Variants in CBLB observed in about 807,000 individuals in gnomAD.
CBLB encodes the protein E3 ubiquitin-protein ligase CBL-B.
CBLB carries 31 observed loss-of-function variants against 104.9 expected under a neutral mutation model. That is an observed-to-expected ratio of 0.30 (90% confidence interval 0.22 to 0.40). CBLB has a LOEUF of 0.40. Ranked by LOEUF, CBLB falls within the 10% of genes least tolerant of loss-of-function variation. The probability of loss-of-function intolerance (pLI) is 1.00; values close to 1 mark genes in which losing one functional copy is unlikely to be tolerated. For synonymous variants in CBLB, 440 were observed against 422.6 expected (o/e 1.04, Z -0.51); for missense variants, 1,062 against 1,214.6 (o/e 0.87, Z 1.87).
At chr3:105,661,597 G>T (rs371420821) in intron 18 of CBLB, among the ~76,000 whole-genome samples, 1 of 152,076 alleles carries the variant, frequency 6.6e-6, no homozygotes, top group Non-Finnish European at 1.5e-5. Context: ...TATTTTGTCT[G>T]TCCAGGATAC....
intron 10 of CBLB, among the ~76,000 whole-genome samples, chr3:105,718,909 C>T (rs2072342267): frequency 6.6e-6 from 1 of 152,158 alleles, no homozygotes; most frequent in South Asian, 2.1e-4. Context: ...AAGAGTCTAC[C>T]TCTCTTGACC....
chr3:105,843,930 G>A (rs978227483), intron 3 of CBLB, among the ~76,000 whole-genome samples: 1 of 152,132 alleles, frequency 6.6e-6, no homozygotes, highest in South Asian at 2.1e-4. Context: ...CCCCTAAAAA[G>A]ATATGTTTAA....
chr3:105,776,588 G>A (rs9809911), intron 3 of CBLB, 46 bp from the exon 4 acceptor site: 1 of 1,578,626 alleles, frequency 6.3e-7, no homozygotes, highest in Admixed American at 1.7e-5. Flanking sequence ...TAAACACCTA[G>A]ATGCATGCAA....
At chr3:105,810,214 T>C (rs1264331805) in intron 3 of CBLB, among the ~76,000 whole-genome samples, 3 of 152,168 alleles carry the variant, frequency 2.0e-5, no homozygotes, top group Non-Finnish European at 4.4e-5. Context: ...AGATTTTCTA[T>C]TGGGAAATGT....
At chr3:105,764,621 A>T (rs866560047) in intron 4 of CBLB, among the ~76,000 whole-genome samples, 5 of 152,284 alleles carry the variant, frequency 3.3e-5, no homozygotes, top group Middle Eastern at 3.4e-3. Context: ...AGTAACCCTA[A>T]AATGACCTCA....
At chr3:105,806,773 C>T (rs569532304) in intron 3 of CBLB, among the ~76,000 whole-genome samples, 120 of 151,838 alleles carry the variant, frequency 7.9e-4, no homozygotes, top group Non-Finnish European at 1.5e-3. Context: ...CAAAAATATC[C>T]GAAAACTGTT....
intron 17 of CBLB, among the ~76,000 whole-genome samples, chr3:105,677,350 TA>T (rs59169680): frequency 0.21 from 22,757 of 108,718 alleles, 1,840 homozygotes; most frequent in East Asian, 0.43. Flanking sequence ...TCAAACCAAG[TA>T]AAAAAAAAAA....
chr3:105,808,523 T>C (rs868025940), intron 3 of CBLB, among the ~76,000 whole-genome samples: 1 of 152,194 alleles, frequency 6.6e-6, no homozygotes, highest in African/African-American at 2.4e-5. Flanking sequence ...CATTACACTA[T>C]ATTTATCCAA....
At chr3:105,777,094 A>ATCAT (rs887652927) in intron 3 of CBLB, among the ~76,000 whole-genome samples, 1 of 152,250 alleles carries the variant, frequency 6.6e-6, no homozygotes, top group Non-Finnish European at 1.5e-5. Flanking sequence ...TTGGTATTAT[A>ATCAT]TCATTTTTGG....
At position 105,659,161 on chromosome 3, in the gene CBLB, T is replaced by C; in HGVS notation, c.2758A>G (p.Arg920Gly). The C allele has an allele frequency of 6.2e-7, 1 of 1,614,078 alleles. No homozygotes were observed. The highest frequency in any genetic ancestry group is 8.5e-7 in the Non-Finnish European group (1 of 1,179,952). Residue 920 changes from arginine to glycine, a missense_variant, in exon 19 of 19, where the codon AGA (arginine) becomes GGA (glycine). Coordinates refer to ENST00000394030, the MANE Select transcript of CBLB (RefSeq NM_170662.5). ...PRRTAPEIHH[R>G]KPHGPEAALE... Reference sequence around the variant, plus strand: ...GCCGCCTCAGGCCCATGGGGTTTTCTGTGGTGAATTTCTGGTGCAGTCCTG... The same window carrying C: ...GCCGCCTCAGGCCCATGGGGTTTTCCGTGGTGAATTTCTGGTGCAGTCCTG...
chr3:105,716,239 T>G (rs1036611667), intron 10 of CBLB, among the ~76,000 whole-genome samples: 1 of 152,178 alleles, frequency 6.6e-6, no homozygotes, highest in Non-Finnish European at 1.5e-5. Flanking sequence ...ATCTATCAGT[T>G]TGATGCTCTG....
At chr3:105,852,398 T>C (rs557933644) in intron 3 of CBLB, among the ~76,000 whole-genome samples, 3 of 152,114 alleles carry the variant, frequency 2.0e-5, no homozygotes, top group African/African-American at 7.2e-5. Context: ...GTTTATAAAA[T>C]TTTTTTTAAA....
At chr3:105,808,895 A>T (rs1364926154) in intron 3 of CBLB, among the ~76,000 whole-genome samples, 1 of 152,220 alleles carries the variant, frequency 6.6e-6, no homozygotes, top group Admixed American at 6.5e-5. Context: ...AAATAAATTA[A>T]GAAAAATTCC....
At chr3:105,708,411 A>T (rs540449299) in intron 10 of CBLB, among the ~76,000 whole-genome samples, 26 of 152,244 alleles carry the variant, frequency 1.7e-4, no homozygotes, top group Non-Finnish European at 3.4e-4. Context: ...TTGGGTAGAA[A>T]AGTAGCAAAG....
intron 3 of CBLB, among the ~76,000 whole-genome samples, chr3:105,849,721 T>A (rs879736920): frequency 1.3e-5 from 2 of 152,014 alleles, no homozygotes; most frequent in Admixed American, 1.3e-4. Flanking sequence ...CCACTCAAAT[T>A]CCTAGTCAAA....
chr3:105,702,430 A>G lies in CBLB; in HGVS notation c.1623T>C (p.Asp541=), dbSNP rs769173177. ...KSSPCMVRKQ[D]KPLPAPPPPL... ...GAGGAGGTGGTGCTGGGAGTGGTTT[A>G]TCTTGTTTTCTCACCATGCAAGGAG... is the stretch of plus-strand genomic sequence containing the variant. Residue 541 remains aspartate, a synonymous_variant, in exon 12 of 19, where the codon GAT becomes GAC. Coordinates refer to ENST00000394030, the MANE Select transcript of CBLB (RefSeq NM_170662.5). 97 of 1,226,902 alleles carry G rather than the reference A, an allele frequency of 7.9e-5. No individual in the cohort carries two copies. Among genetic ancestry groups the G allele is most frequent in the Admixed American group, 7.4e-4 (35 of 47,170 alleles). 76.0% of individuals were successfully genotyped at this position (1,226,902 alleles called of 1,614,324 possible). A position where few individuals can be genotyped will look rare whatever the true frequency, so the allele number is the denominator to read the frequency against.
chr3:105,681,791 C>T lies in CBLB; in HGVS notation c.2229G>A (p.Leu743=), dbSNP rs756080209. Residue 743 remains leucine, a synonymous_variant, in exon 15 of 19, where the codon CTG becomes CTA. Coordinates refer to ENST00000394030, the MANE Select transcript of CBLB (RefSeq NM_170662.5). ...VRSCDNGHCM[L]NGTHGPSSEK... ...CTGAAGATGGACCATGTGTTCCATT[C>T]AGCATACAGTGACCATTATCACAAG... 1 of 1,608,698 alleles carries T rather than the reference C, an allele frequency of 6.2e-7. No individual in the cohort carries two copies. Among genetic ancestry groups the T allele is most frequent in the Non-Finnish European group, 8.5e-7 (1 of 1,175,462 alleles).
intron 5 of CBLB, among the ~76,000 whole-genome samples, chr3:105,749,311 G>A (rs73854397): frequency 6.6e-6 from 1 of 152,136 alleles, no homozygotes; most frequent in Non-Finnish European, 1.5e-5. Context: ...GCATTCCCTA[G>A]CCCAGGTAAG....
intron 18 of CBLB, among the ~76,000 whole-genome samples, chr3:105,666,664 C>T (rs781564409): frequency 9.9e-5 from 15 of 151,774 alleles, no homozygotes; most frequent in East Asian, 3.9e-4. Context: ...CCAGCCTGGG[C>T]GACAGAGCGA....
Sources: allele counts gnomAD v4.1 joint callset (sites outside exome capture counted in the v4.1 genomes callset), GRCh38; gene constraint gnomAD v4.1.1; transcripts MANE v1.5; gene names NCBI Gene and HGNC (gene_info 2026-07-23, HGNC 2026-07-21).